Variants in VEZT observed in about 807,000 individuals in gnomAD.
VEZT encodes the protein vezatin, adherens junctions transmembrane protein, also known as vezatin.
A neutral mutation model predicts 79.9 loss-of-function variants in VEZT; 39 were observed. The ratio of observed to expected loss-of-function variants is 0.49; its 90% CI spans 0.38 to 0.64. The LOEUF (loss-of-function observed/expected upper bound fraction) is 0.64. Among genes scored for constraint, VEZT ranks in the 30% least tolerant of loss-of-function variants. The pLI, the probability that VEZT is intolerant of heterozygous loss-of-function variation, is 0.00. For synonymous variants in VEZT, 325 were observed against 327.6 expected (o/e 0.99, Z 0.09); for missense variants, 837 against 893.1 (o/e 0.94, Z 0.80).
At chr12:95,289,417 CAAAA>C (rs146728004) in intron 9 of VEZT, among the ~76,000 whole-genome samples, 3 of 69,464 alleles carry the variant, frequency 4.3e-5, no homozygotes, top group East Asian at 4.7e-4. Flanking sequence ...ACTCTTGTCT[CAAAA>C]AAAAAAAAAA....
intron 6 of VEZT, among the ~76,000 whole-genome samples, chr12:95,273,191 A>G (rs1291746054): frequency 1.3e-5 from 2 of 152,226 alleles, no homozygotes; most frequent in South Asian, 2.1e-4. Context: ...TTAAAAAACA[A>G]TGATAGAGTT....
chr12:95,232,120 A>G (rs966249062), intron 1 of VEZT, among the ~76,000 whole-genome samples: 2 of 152,214 alleles, frequency 1.3e-5, no homozygotes, highest in South Asian at 2.1e-4. Flanking sequence ...TTGTTGTTCT[A>G]TATGTGATAG....
intron 1 of VEZT, among the ~76,000 whole-genome samples, chr12:95,246,531 T>C (rs1374278765): frequency 6.6e-6 from 1 of 152,232 alleles, no homozygotes; most frequent in Non-Finnish European, 1.5e-5. Flanking sequence ...TCAGCAAAAA[T>C]GTGGGATTTT....
In VEZT at chr12:95,286,408, G is replaced by T. The variant is rs1185740586; in HGVS notation, c.1329-1256G>T. 18 of 514,682 alleles carry T rather than the reference G, an allele frequency of 3.5e-5. No homozygotes were observed. The East Asian group carries it at 8.9e-4, about 25-fold the overall frequency. 31.9% of individuals were successfully genotyped at this position (514,682 alleles called of 1,614,324 possible). ...TGCCTTTTGTGCCAGCACCAAGTCTGCCTCATCTGAATCCTTCCATTTCAT... is the reference window on the plus strand; with the variant it reads ...TGCCTTTTGTGCCAGCACCAAGTCTTCCTCATCTGAATCCTTCCATTTCAT... On this transcript the variant is annotated intron_variant, in intron 8 of 11. Coordinates refer to ENST00000436874, the MANE Select transcript of VEZT (RefSeq NM_017599.4).
chr12:95,290,311 G>A (rs563137619), intron 9 of VEZT, among the ~76,000 whole-genome samples: 10 of 152,026 alleles, frequency 6.6e-5, no homozygotes, highest in Admixed American at 1.3e-4. Flanking sequence ...TCATTCCTAC[G>A]TATTTAACCA....
chr12:95,260,925 G>A (rs1401130177), intron 3 of VEZT, among the ~76,000 whole-genome samples: 1 of 151,656 alleles, frequency 6.6e-6, no homozygotes, highest in African/African-American at 2.4e-5. Context: ...TCAGAATTGT[G>A]GGAAGAGAGA....
At chr12:95,226,144 C>CAAAA (rs1469107240) in intron 1 of VEZT, among the ~76,000 whole-genome samples, 8 of 150,074 alleles carry the variant, frequency 5.3e-5, no homozygotes, top group Non-Finnish European at 7.4e-5. Context: ...GCCAAAGAAG[C>CAAAA]AAAAAGTGGA....
chr12:95,249,871 C>A (rs2062249605), intron 1 of VEZT, among the ~76,000 whole-genome samples: 1 of 151,800 alleles, frequency 6.6e-6, no homozygotes, highest in Admixed American at 6.6e-5. Context: ...ACTGAGTGAA[C>A]CCGTTTCCTC....
chr12:95,239,987 G>C (rs1028237543), intron 1 of VEZT, among the ~76,000 whole-genome samples: 25 of 141,658 alleles, frequency 1.8e-4, no homozygotes, highest in Admixed American at 4.3e-4. Flanking sequence ...AGAGAGGAGA[G>C]AGAGAGAGGA....
At chr12:95,286,729 A>G (rs572285160) in intron 8 of VEZT, 12 of 420,836 alleles carry the variant, frequency 2.9e-5, no homozygotes, top group South Asian at 1.9e-5. Flanking sequence ...CTGCGTGTCT[A>G]TCTAGTACAT....
rs1255331097 is a variant in VEZT, at chr12:95,263,089, C to A, written c.434+8C>A. ...GGCAACCCCTAATATTTGGTACTGT[C>A]CAGAAAACACCTATTCTTTGACTGC... On this transcript the variant is annotated splice_region_variant and intron_variant, in intron 4 of 11. Coordinates refer to ENST00000436874, the MANE Select transcript of VEZT (RefSeq NM_017599.4). The A allele has an allele frequency of 6.3e-7, 1 of 1,577,804 alleles. No homozygotes were observed. The highest frequency in any genetic ancestry group is 1.3e-5 in the African/African-American group (1 of 74,400).
intron 1 of VEZT, among the ~76,000 whole-genome samples, chr12:95,251,253 C>T (rs988877063): frequency 6.6e-6 from 1 of 152,128 alleles, no homozygotes; most frequent in African/African-American, 2.4e-5. Context: ...TCAGATGATC[C>T]ACCCACCTTG....
intron 2 of VEZT, among the ~76,000 whole-genome samples, chr12:95,254,635 T>C (rs1045781450): frequency 6.6e-6 from 1 of 152,190 alleles, no homozygotes; most frequent in African/African-American, 2.4e-5. Context: ...TGAGCCACCA[T>C]GCCCGACCAA....
intron 5 of VEZT, among the ~76,000 whole-genome samples, chr12:95,268,390 C>T (rs2065937370): frequency 6.6e-6 from 1 of 151,942 alleles, no homozygotes; most frequent in South Asian, 2.1e-4. Context: ...CCCAGCTACC[C>T]GGGAGGCTGA....
At chr12:95,283,245 G>T (rs1177430830) in intron 8 of VEZT, among the ~76,000 whole-genome samples, 2 of 152,114 alleles carry the variant, frequency 1.3e-5, no homozygotes, top group African/African-American at 4.8e-5. Flanking sequence ...TCCCACTTTG[G>T]TATACCTTTA....
At chr12:95,234,205 AT>A (rs1428266225) in intron 1 of VEZT, among the ~76,000 whole-genome samples, 1 of 151,900 alleles carries the variant, frequency 6.6e-6, no homozygotes, top group Non-Finnish European at 1.5e-5. Flanking sequence ...ATTTAAAAAA[AT>A]ATTATTACTG....
Position 95,282,649 on chromosome 12 carries a change from G to A in VEZT, c.1328+5G>A. The A allele has an allele frequency of 6.3e-7, 1 of 1,579,028 alleles. No homozygotes were observed. The highest frequency in any genetic ancestry group is 8.6e-7 in the Non-Finnish European group (1 of 1,160,318). ...TCTGAAAGCATTACTGAATGAGTAA[G>A]TTTAGAAATTATACCAAGAAAGGTC... On this transcript the variant is annotated splice_donor_5th_base_variant and intron_variant, in intron 8 of 11. Coordinates refer to ENST00000436874, the MANE Select transcript of VEZT (RefSeq NM_017599.4).
At chr12:95,245,614 C>G (rs1405088129) in intron 1 of VEZT, 1 of 455,762 alleles carries the variant, frequency 2.2e-6, no homozygotes, top group African/African-American at 2.0e-5. Flanking sequence ...CTTCTCTGGC[C>G]CAAGACCTGA....
At chr12:95,233,390 TTTTTTA>T (rs977114458) in intron 1 of VEZT, among the ~76,000 whole-genome samples, 1 of 152,048 alleles carries the variant, frequency 6.6e-6, no homozygotes, top group Non-Finnish European at 1.5e-5. Context: ...TTTTAAATTA[TTTTTTA>T]TTTTTATTTT....
Sources: allele counts gnomAD v4.1 joint callset (sites outside exome capture counted in the v4.1 genomes callset), GRCh38; gene constraint gnomAD v4.1.1; transcripts MANE v1.5; gene names NCBI Gene and HGNC (gene_info 2026-07-23, HGNC 2026-07-21).